The following ABCA13 variants were observed in gnomAD, a reference collection of about 807,000 sequenced individuals.
ABCA13 encodes the protein ATP-binding cassette sub-family A member 13.
ABCA13 carries 476 observed loss-of-function variants against 478.7 expected under a neutral mutation model. The ratio of observed to expected loss-of-function variants is 0.99; its 90% CI spans 0.92 to 1.07. ABCA13 has a LOEUF of 1.07. Among genes scored for constraint, ABCA13 ranks in the 50% least tolerant of loss-of-function variants. The pLI is 0.00. For missense variants in ABCA13, 6,060 were observed against 5,910.6 expected (o/e 1.03, Z -0.83); for synonymous variants, 2,252 against 2,158.9 (o/e 1.04, Z -1.20).
chr7:48,335,199 C>CA (rs1384743266), intron 27 of ABCA13, among the ~76,000 whole-genome samples: 1 of 152,184 alleles, frequency 6.6e-6, no homozygotes, highest in Admixed American at 6.5e-5. Context: ...CAGCAGTGAA[C>CA]AGGCAGGTAG....
intron 59 of ABCA13, among the ~76,000 whole-genome samples, chr7:48,629,575 CAAA>C (rs11392411): frequency 1.2e-4 from 8 of 66,948 alleles, no homozygotes; most frequent in Non-Finnish European, 1.4e-4. Context: ...TACATTTTGG[CAAA>C]AAAAAAAAAA....
chr7:48,620,706 G>A (rs1302388258), intron 59 of ABCA13, among the ~76,000 whole-genome samples: 1 of 152,180 alleles, frequency 6.6e-6, no homozygotes, highest in Non-Finnish European at 1.5e-5. Flanking sequence ...ACATTAGGCA[G>A]TCAACCCTGT....
At chr7:48,243,782 C>G (rs1791245942) in intron 10 of ABCA13, among the ~76,000 whole-genome samples, 1 of 152,210 alleles carries the variant, frequency 6.6e-6, no homozygotes, top group African/African-American at 2.4e-5. Context: ...ATGGCTCCAG[C>G]CAGTGGAACA....
intron 1 of ABCA13, among the ~76,000 whole-genome samples, chr7:48,190,258 A>G (rs36191268): frequency 0.28 from 43,125 of 152,026 alleles, 6,783 homozygotes; most frequent in East Asian, 0.49. Context: ...TACAAAAGTC[A>G]GCCAAATATG....
intron 15 of ABCA13, among the ~76,000 whole-genome samples, chr7:48,265,654 T>A (rs1794773228): frequency 6.6e-6 from 1 of 151,674 alleles, no homozygotes; most frequent in African/African-American, 2.4e-5. Flanking sequence ...CATGCTAAAT[T>A]TACTTTTTAG....
rs78118269 is a variant in ABCA13, at chr7:48,587,839, T to G, written c.14640+551T>G. Among the ~76,000 whole-genome samples the G allele has an allele frequency of 1.0e-2, 1,517 of 152,348 alleles. 29 individuals are homozygous for G. The highest frequency in any genetic ancestry group is 0.034 in the African/African-American group (1,417 of 41,584). On this transcript the variant is annotated intron_variant, in intron 57 of 61. Coordinates refer to ENST00000435803, the MANE Select transcript of ABCA13 (RefSeq NM_152701.5). ...TGATTTGAATGAATCAAAGCATTAA[T>G]TGGAGGCAACAATTGTCAAGAAATG...
intron 42 of ABCA13, among the ~76,000 whole-genome samples, chr7:48,449,935 G>A (rs1031075073): frequency 1.3e-5 from 2 of 152,154 alleles, no homozygotes; most frequent in African/African-American, 4.8e-5. Context: ...TGAATTGCTG[G>A]CATTGGCTGA....
At chr7:48,320,407 T>C (rs151093073) in intron 27 of ABCA13, among the ~76,000 whole-genome samples, 2 of 152,370 alleles carry the variant, frequency 1.3e-5, no homozygotes, top group African/African-American at 4.8e-5. Context: ...ATAGCTGTCT[T>C]AGCCTAACAG....
chr7:48,321,335 G>A (rs1803421219), intron 27 of ABCA13, among the ~76,000 whole-genome samples: 1 of 152,190 alleles, frequency 6.6e-6, no homozygotes, highest in Admixed American at 6.5e-5. Context: ...AATGCCAGAC[G>A]GGAGCGGGTG....
At chr7:48,629,503 A>G (rs1408077186) in intron 59 of ABCA13, among the ~76,000 whole-genome samples, 1 of 151,396 alleles carries the variant, frequency 6.6e-6, no homozygotes, top group Non-Finnish European at 1.5e-5. Flanking sequence ...TAGTTATCTT[A>G]CAAATTTTAT....
At chr7:48,575,755 G>C (rs1167789969) in intron 55 of ABCA13, among the ~76,000 whole-genome samples, 4 of 152,090 alleles carry the variant, frequency 2.6e-5, no homozygotes, top group Non-Finnish European at 5.9e-5. Context: ...TAAAGAGCTT[G>C]CAAGTTGTCA....
At chr7:48,266,393 G>A (rs1794873609) in intron 15 of ABCA13, among the ~76,000 whole-genome samples, 1 of 151,612 alleles carries the variant, frequency 6.6e-6, no homozygotes, top group South Asian at 2.1e-4. Context: ...AAGCCATCTA[G>A]GCTTTTAGGG....
intron 5 of ABCA13, among the ~76,000 whole-genome samples, chr7:48,221,606 AG>A (rs1157393934): frequency 6.6e-6 from 1 of 152,234 alleles, no homozygotes; most frequent in Non-Finnish European, 1.5e-5. Context: ...ATCTGATCCC[AG>A]GGATGGTCTG....
intron 3 of ABCA13, among the ~76,000 whole-genome samples, chr7:48,212,073 A>G (rs1190242177): frequency 1.3e-5 from 2 of 152,088 alleles, no homozygotes; most frequent in Admixed American, 1.3e-4. Flanking sequence ...TGGGATCTCA[A>G]ACCACTTTAT....
At chr7:48,267,116 T>C (rs1261990879) in intron 15 of ABCA13, among the ~76,000 whole-genome samples, 1 of 152,074 alleles carries the variant, frequency 6.6e-6, no homozygotes, top group Admixed American at 6.5e-5. Flanking sequence ...CCTTGGTAAA[T>C]GCTCCATATG....
At chr7:48,180,346 G>T (rs1218877920) in intron 1 of ABCA13, among the ~76,000 whole-genome samples, 1 of 152,152 alleles carries the variant, frequency 6.6e-6, no homozygotes, top group Non-Finnish European at 1.5e-5. Flanking sequence ...CTGTTGTGGG[G>T]TTTCCTTGTT....
At chr7:48,315,581 G>T (rs1468892598) in intron 26 of ABCA13, among the ~76,000 whole-genome samples, 2 of 151,538 alleles carry the variant, frequency 1.3e-5, no homozygotes, top group Admixed American at 1.3e-4. Context: ...CCAGGTTCAC[G>T]CCATTCTCCT....
intron 9 of ABCA13, among the ~76,000 whole-genome samples, 154 bp downstream of exon 9, chr7:48,239,559 C>T (rs989473035): frequency 1.3e-5 from 2 of 152,242 alleles, no homozygotes. Context: ...ATTGAGTGCA[C>T]CTTGTCCCAT....
At chr7:48,418,845 A>G (rs1418410804) in intron 41 of ABCA13, among the ~76,000 whole-genome samples, 1 of 152,242 alleles carries the variant, frequency 6.6e-6, no homozygotes, top group Admixed American at 6.5e-5. Context: ...ACTTCTAAAA[A>G]TTCTTTTTAT....
Sources: allele counts gnomAD v4.1 joint callset (sites outside exome capture counted in the v4.1 genomes callset), GRCh38; gene constraint gnomAD v4.1.1; transcripts MANE v1.5; gene names NCBI Gene and HGNC (gene_info 2026-07-23, HGNC 2026-07-21).